Variants in NRXN1 observed in about 807,000 individuals in gnomAD.
The protein encoded by NRXN1 is neurexin 1.
A neutral mutation model predicts 150.9 loss-of-function variants in NRXN1; 39 were observed. The observed-to-expected ratio is 0.26, with a 90% CI of 0.20 to 0.34. The LOEUF (loss-of-function observed/expected upper bound fraction) is 0.34. Ranked by LOEUF, NRXN1 falls within the 10% of genes least tolerant of loss-of-function variation. The pLI is 1.00. For synonymous variants in NRXN1, 924 were observed against 757.0 expected, an observed-to-expected ratio of 1.22 and a Z score of -3.62; for missense variants, 1,815 against 1,949.9, an observed-to-expected ratio of 0.93 and a Z score of 1.30.
chr2:50,320,952 G>A (rs2075995581), intron 17 of NRXN1, among the ~76,000 whole-genome samples: 1 of 152,142 alleles, frequency 6.6e-6, no homozygotes, highest in Non-Finnish European at 1.5e-5. Flanking sequence ...ACTGCAGCCT[G>A]AAAGTTGTGT....
At chr2:50,681,297 T>C (rs1056307717) in intron 5 of NRXN1, among the ~76,000 whole-genome samples, 2 of 152,230 alleles carry the variant, frequency 1.3e-5, no homozygotes, top group Non-Finnish European at 2.9e-5. Context: ...GATTATTTGC[T>C]CAGAAGACTA....
chr2:51,008,353 G>T (rs1194173984), intron 2 of NRXN1, among the ~76,000 whole-genome samples: 1 of 151,900 alleles, frequency 6.6e-6, no homozygotes, highest in Non-Finnish European at 1.5e-5. Context: ...AGTGGCGATG[G>T]TGAAGGCAGA....
intron 5 of NRXN1, among the ~76,000 whole-genome samples, chr2:50,910,434 G>C (rs1684358582): frequency 6.6e-6 from 1 of 151,928 alleles, no homozygotes; most frequent in Non-Finnish European, 1.5e-5. Flanking sequence ...GAGTTTCAAA[G>C]AGGCCAGATA....
chr2:50,503,049 T>C (rs1306303326), intron 13 of NRXN1, among the ~76,000 whole-genome samples: 1 of 152,144 alleles, frequency 6.6e-6, no homozygotes, highest in Non-Finnish European at 1.5e-5. Flanking sequence ...GGCTCATGTC[T>C]GTAATCCCGG....
chr2:50,300,623 G>C (rs2074057751), intron 17 of NRXN1, among the ~76,000 whole-genome samples: 1 of 152,190 alleles, frequency 6.6e-6, no homozygotes, highest in Non-Finnish European at 1.5e-5. Flanking sequence ...GATGTGAGCA[G>C]ACGTGATGAG....
intron 5 of NRXN1, among the ~76,000 whole-genome samples, chr2:50,812,721 A>AGT (rs1491394825): frequency 1.7e-5 from 2 of 120,238 alleles, no homozygotes; most frequent in Admixed American, 1.7e-4. Flanking sequence ...ATAAATAATA[A>AGT]GAGTGTGTGT....
At chr2:50,542,465 T>C (rs530278119) in intron 9 of NRXN1, among the ~76,000 whole-genome samples, 66 of 152,284 alleles carry the variant, frequency 4.3e-4, no homozygotes, top group Middle Eastern at 6.8e-3. Context: ...ATATCAGTCA[T>C]TGGAATATTA....
At chr2:51,017,503 C>CTTTTTTT (rs70958638) in intron 2 of NRXN1, among the ~76,000 whole-genome samples, 1 of 44,302 alleles carries the variant, frequency 2.3e-5, no homozygotes. Flanking sequence ...CCACATCTGG[C>CTTTTTTT]TTTTTTTTTT....
chr2:50,480,337 C>T (rs1161150902), intron 15 of NRXN1, among the ~76,000 whole-genome samples: 1 of 152,116 alleles, frequency 6.6e-6, no homozygotes, highest in African/African-American at 2.4e-5. Flanking sequence ...GTACAAAAAT[C>T]TTTGGAGGAA....
chr2:50,999,941 C>A (rs1399597314), intron 2 of NRXN1, among the ~76,000 whole-genome samples: 3 of 151,974 alleles, frequency 2.0e-5, no homozygotes, highest in African/African-American at 4.8e-5. Context: ...AATCATATTC[C>A]TATTTTTCAG....
chr2:50,623,223 C>T (rs1680363504), intron 6 of NRXN1, 91 bp downstream of exon 6: 1 of 987,824 alleles, frequency 1.0e-6, no homozygotes, highest in African/African-American at 1.6e-5. Context: ...TCTGAGGAGC[C>T]CTGTATCATG....
chr2:50,071,169 C>T (rs966391746), intron 19 of NRXN1, among the ~76,000 whole-genome samples: 12 of 152,152 alleles, frequency 7.9e-5, no homozygotes, highest in African/African-American at 2.4e-4. Flanking sequence ...CTAACTAGGC[C>T]GTATAACTCT....
intron 11 of NRXN1, among the ~76,000 whole-genome samples, chr2:50,530,119 C>T (rs2093059814): frequency 6.6e-6 from 1 of 152,014 alleles, no homozygotes; most frequent in Non-Finnish European, 1.5e-5. Flanking sequence ...GTGTGTTTAA[C>T]ACTGTCAAAA....
intron 17 of NRXN1, among the ~76,000 whole-genome samples, chr2:50,250,226 C>G (rs962470583): frequency 1.3e-5 from 2 of 152,088 alleles, no homozygotes; most frequent in Non-Finnish European, 2.9e-5. Flanking sequence ...TACAAACCAA[C>G]CCTGTACTTC....
intron 17 of NRXN1, among the ~76,000 whole-genome samples, chr2:50,458,985 G>A (rs1234598231): frequency 6.6e-6 from 1 of 152,054 alleles, no homozygotes; most frequent in Non-Finnish European, 1.5e-5. Context: ...TAAATGGCAT[G>A]CATATAATAC....
At chr2:49,967,492 C>T (rs725323) in intron 21 of NRXN1, among the ~76,000 whole-genome samples, 62,104 of 151,782 alleles carry the variant, frequency 0.41, 13,089 homozygotes, top group South Asian at 0.52. Context: ...ACTTTTGTTA[C>T]GTTTATAGAC....
chr2:50,776,655 TACACAC>T (rs59117287), intron 5 of NRXN1, among the ~76,000 whole-genome samples: 3 of 147,294 alleles, frequency 2.0e-5, no homozygotes, highest in Admixed American at 6.9e-5. Context: ...TATATACACA[TACACAC>T]ACACACACAC....
chr2:50,696,058 G>T (rs1452821147), intron 5 of NRXN1: 2 of 152,036 alleles, frequency 1.3e-5, no homozygotes, highest in African/African-American at 4.8e-5. Flanking sequence ...GGGCAGGCTG[G>T]TCTTGAACTC....
rs570710476 is a variant in NRXN1, at chr2:50,322,258, T to C, written c.3365-85288A>G. Among the ~76,000 whole-genome samples the C allele has an allele frequency of 1.1e-4, 17 of 152,134 alleles. No homozygotes were observed. In the South Asian group the frequency reaches 3.5e-3, roughly 32 times the overall value. On this transcript the variant is annotated intron_variant, in intron 17 of 22. Coordinates refer to ENST00000401669, the MANE Select transcript of NRXN1 (RefSeq NM_001330078.2). ...GCCTCAAAACAATCATTTATAAAGGTGAGAACAAACAACAACAACAAAAAC... is the reference window on the plus strand; with the variant it reads ...GCCTCAAAACAATCATTTATAAAGGCGAGAACAAACAACAACAACAAAAAC...
Sources: gnomAD v4.1 joint callset for allele counts (sites outside exome capture counted in the v4.1 genomes callset) on GRCh38, gnomAD v4.1.1 for gene constraint, MANE v1.5 for transcripts, NCBI Gene and HGNC (gene_info 2026-07-23, HGNC 2026-07-21) for gene names.